GARNL3: variants seen among roughly 807,000 people sequenced by gnomAD.
GARNL3 encodes GTPase activating Rap/RanGAP domain like 3.
Under a neutral mutation model 125.0 loss-of-function variants are expected in GARNL3, and 63 were observed. The observed-to-expected ratio is 0.50, with a 90% confidence interval of 0.41 to 0.62. The LOEUF is 0.62. GARNL3 is among the 20% of genes least tolerant of loss of function. The pLI, the probability that GARNL3 is intolerant of heterozygous loss-of-function variation, is 0.00. For missense variants in GARNL3, 994 were observed against 1,244.0 expected, an observed-to-expected ratio of 0.80 and a Z score of 3.02; for synonymous variants, 439 against 457.5, an observed-to-expected ratio of 0.96 and a Z score of 0.52.
intron 22 of GARNL3, among the ~76,000 whole-genome samples, chr9:127,365,982 A>C (rs1007703951): frequency 2.0e-5 from 3 of 152,182 alleles, no homozygotes; most frequent in African/African-American, 7.2e-5. Flanking sequence ...AAAGGTATCA[A>C]ATGGGATCTT....
intron 26 of GARNL3, 119 bp downstream of exon 26, chr9:127,389,238 AT>A: frequency 1.4e-6 from 1 of 706,064 alleles, no homozygotes; most frequent in Non-Finnish European, 2.4e-6. Context: ...TTAAGAAGGG[AT>A]TTTTAAGTAA....
chr9:127,313,197 T>G (rs552777042), intron 3 of GARNL3, among the ~76,000 whole-genome samples: 1 of 152,294 alleles, frequency 6.6e-6, no homozygotes, highest in South Asian at 2.1e-4. Flanking sequence ...TAGAAGCCCC[T>G]TGGCAGATTT....
intron 5 of GARNL3, among the ~76,000 whole-genome samples, chr9:127,319,816 A>G (rs2065346752): frequency 6.6e-6 from 1 of 152,224 alleles, no homozygotes; most frequent in Non-Finnish European, 1.5e-5. Flanking sequence ...GAACGTTTAA[A>G]AACTAGGCAT....
chr9:127,313,664 A>G, intron 4 of GARNL3, 105 bp downstream of exon 4: 1 of 802,060 alleles, frequency 1.2e-6, no homozygotes, highest in Non-Finnish European at 2.2e-6. Flanking sequence ...CATGCCTCAT[A>G]GTCTTCTCGT....
intron 1 of GARNL3, chr9:127,225,521 G>C (rs116381586): frequency 0.013 from 4,438 of 336,590 alleles, 198 homozygotes; most frequent in African/African-American, 0.094. Context: ...AGGTTCTCAG[G>C]AGACCGGGCG....
At chr9:127,315,193 C>G (rs2065206211) in intron 4 of GARNL3, among the ~76,000 whole-genome samples, 1 of 152,204 alleles carries the variant, frequency 6.6e-6, no homozygotes, top group African/African-American at 2.4e-5. Flanking sequence ...ACTGAGAAAT[C>G]AAAACTGAGC....
intron 2 of GARNL3, among the ~76,000 whole-genome samples, chr9:127,309,256 T>C (rs1403371733): frequency 6.6e-6 from 1 of 152,202 alleles, no homozygotes; most frequent in Non-Finnish European, 1.5e-5. Flanking sequence ...CCACTACTTA[T>C]TATCTCTGTA....
chr9:127,297,749 T>A (rs2064648388), intron 2 of GARNL3, among the ~76,000 whole-genome samples: 1 of 152,372 alleles, frequency 6.6e-6, no homozygotes, highest in Non-Finnish European at 1.5e-5. Flanking sequence ...TTTACATCTT[T>A]ATTACACATT....
intron 6 of GARNL3, among the ~76,000 whole-genome samples, chr9:127,321,584 G>A (rs1371651018): frequency 6.6e-6 from 1 of 152,164 alleles, no homozygotes; most frequent in Non-Finnish European, 1.5e-5. Flanking sequence ...TCTGCCTTAG[G>A]AGAGAAAAAA....
At chr9:127,378,876 A>G (rs1832089585) in intron 22 of GARNL3, among the ~76,000 whole-genome samples, 1 of 152,106 alleles carries the variant, frequency 6.6e-6, no homozygotes. Flanking sequence ...CCCAAGTCCA[A>G]GTGATTCTCC....
intron 12 of GARNL3, among the ~76,000 whole-genome samples, chr9:127,338,946 G>A (rs982406404): frequency 2.6e-5 from 4 of 152,186 alleles, no homozygotes; most frequent in African/African-American, 9.7e-5. Context: ...CAGAATAGTG[G>A]TGTATTACTT....
intron 26 of GARNL3, among the ~76,000 whole-genome samples, chr9:127,389,321 A>G (rs1294363710): frequency 1.3e-5 from 2 of 152,218 alleles, no homozygotes; most frequent in Non-Finnish European, 2.9e-5. Flanking sequence ...ATCTATATTT[A>G]TTGGTGTGGA....
At chr9:127,279,262 T>C (rs2064041982) in intron 1 of GARNL3, among the ~76,000 whole-genome samples, 1 of 152,142 alleles carries the variant, frequency 6.6e-6, no homozygotes, top group South Asian at 2.1e-4. Context: ...TGTATTTTCA[T>C]TAATTTTCCT....
chr9:127,278,657 G>A (rs1044631706), intron 1 of GARNL3, among the ~76,000 whole-genome samples: 2 of 152,180 alleles, frequency 1.3e-5, no homozygotes, highest in Non-Finnish European at 1.5e-5. Context: ...TAGGCCTGCT[G>A]TAAGAGTTTA....
chr9:127,338,114 A>G lies in GARNL3; in HGVS notation c.983-2A>G. The G allele has an allele frequency of 6.2e-7, 1 of 1,607,862 alleles. No individual in the cohort carries two copies. The highest frequency in any genetic ancestry group is 8.5e-7 in the Non-Finnish European group (1 of 1,174,250). ...GATTAGTTCCCTTAACCATCACCAC[A>G]GATATTTTTGCCTTAGTGAGATACA... is the stretch of plus-strand genomic sequence containing the variant. On this transcript the variant is annotated splice_acceptor_variant, in intron 11 of 27. Transcript: ENST00000373387. LOFTEE classifies it high-confidence loss of function.
rs1830279876 is a variant in GARNL3, at chr9:127,348,856, T to G, written c.1432-68T>G. ...TGTTTCAGGTGTGGTACTGTACATT[T>G]CCATTTGGTGGGCTGCAGTGTATTT... On this transcript the variant is annotated intron_variant, in intron 16 of 27. Transcript: ENST00000373387. 4 of 1,054,778 alleles carry G rather than the reference T, an allele frequency of 3.8e-6. No individual in the cohort carries two copies. The African/African-American group carries it at 6.3e-5, about 17-fold the overall frequency. 65.3% of individuals were successfully genotyped at this position (1,054,778 alleles called of 1,614,324 possible). A position where few individuals can be genotyped will look rare whatever the true frequency, so the allele number is the denominator to read the frequency against.
In GARNL3 at chr9:127,231,912, G is replaced by T. The variant is rs181193805; in HGVS notation, c.-29+7574G>T. On this transcript the variant is annotated intron_variant, in intron 1 of 10. Transcript: ENST00000439286. ...TTCTATGAATCTGTGTTTTTAACAC[G>T]CTCATAAATAATGCCATACTGCTGG... Among the ~76,000 whole-genome samples, 30 of 152,208 alleles carry T rather than the reference G, an allele frequency of 2.0e-4. No individual in the cohort carries two copies. In the South Asian group the frequency reaches 5.8e-3, roughly 30 times the overall value.
intron 22 of GARNL3, among the ~76,000 whole-genome samples, chr9:127,382,950 G>A (rs916034216): frequency 1.3e-5 from 2 of 152,222 alleles, no homozygotes; most frequent in South Asian, 2.1e-4. Context: ...AAGGGCTGCC[G>A]TCAGGTGTCC....
At chr9:127,248,422 T>C (rs7047548) in intron 2 of GARNL3, among the ~76,000 whole-genome samples, 25,133 of 152,042 alleles carry the variant, frequency 0.17, 6,413 homozygotes, top group African/African-American at 0.55. Flanking sequence ...CCCTTGCAGC[T>C]GACCTGGCAG....
Sources: gnomAD v4.1 joint callset for allele counts (sites outside exome capture counted in the v4.1 genomes callset) on GRCh38, gnomAD v4.1.1 for gene constraint, MANE v1.5 for transcripts, NCBI Gene and HGNC (gene_info 2026-07-23, HGNC 2026-07-21) for gene names.